The following CALD1 variants were observed in gnomAD, a reference collection of about 807,000 sequenced individuals.
CALD1 encodes caldesmon.
CALD1 carries 33 observed loss-of-function variants against 99.9 expected under a neutral mutation model. The observed-to-expected ratio is 0.33, with a 90% CI of 0.25 to 0.44. The LOEUF is 0.44. CALD1 is among the 20% of genes least tolerant of loss of function. The pLI, the probability that CALD1 is intolerant of heterozygous loss-of-function variation, is 1.00. For synonymous variants in CALD1, 310 were observed against 325.0 expected, an observed-to-expected ratio of 0.95 and a Z score of 0.50; for missense variants, 861 against 962.1, an observed-to-expected ratio of 0.89 and a Z score of 1.39.
intron 12 of CALD1, 183 bp from the exon 13 acceptor site, chr7:134,960,350 G>A (rs1808166819): frequency 3.1e-6 from 2 of 651,216 alleles, no homozygotes; most frequent in Non-Finnish European, 5.3e-6. Context: ...TCCACCCTTG[G>A]AGTTGGAGTG....
chr7:134,844,380 T>A (rs1586088473), intron 2 of CALD1: 1 of 151,890 alleles, frequency 6.6e-6, no homozygotes, highest in African/African-American at 2.4e-5. Flanking sequence ...ATCTCAGGAG[T>A]GCTAAGTACC....
intron 1 of CALD1, among the ~76,000 whole-genome samples, chr7:134,811,753 T>A (rs767846352): frequency 2.0e-5 from 3 of 152,206 alleles, no homozygotes; most frequent in South Asian, 2.1e-4. Context: ...TTTCCCTCTT[T>A]ACTTGTTACT....
At chr7:134,927,588 T>C (rs1337877797) in intron 3 of CALD1, among the ~76,000 whole-genome samples, 1 of 140,142 alleles carries the variant, frequency 7.1e-6, no homozygotes, top group African/African-American at 2.6e-5. Flanking sequence ...CTAAATAATA[T>C]ATACACATGT....
chr7:134,825,173 G>A (rs1034293542), intron 1 of CALD1, among the ~76,000 whole-genome samples: 1 of 152,048 alleles, frequency 6.6e-6, no homozygotes, highest in Non-Finnish European at 1.5e-5. Context: ...AGATAAAGTG[G>A]GGAGAAAGGG....
intron 1 of CALD1, among the ~76,000 whole-genome samples, chr7:134,750,761 T>TG (rs1397020086): frequency 6.6e-6 from 1 of 151,908 alleles, no homozygotes; most frequent in Non-Finnish European, 1.5e-5. Context: ...ATATTGTTTT[T>TG]TTTTCATCTG....
chr7:134,786,935 C>G (rs1797328627), intron 1 of CALD1, among the ~76,000 whole-genome samples: 1 of 152,288 alleles, frequency 6.6e-6, no homozygotes, highest in South Asian at 2.1e-4. Context: ...GACCTATCCT[C>G]TAGAGATTCT....
chr7:134,869,071 G>C (rs928643037), intron 3 of CALD1, among the ~76,000 whole-genome samples: 9 of 152,010 alleles, frequency 5.9e-5, no homozygotes, highest in Admixed American at 5.2e-4. Context: ...TAGCATAGCA[G>C]CATAGCCAGA....
At chr7:134,958,438 T>C (rs1187147305) in intron 11 of CALD1, 148 bp downstream of exon 11, 1 of 631,776 alleles carries the variant, frequency 1.6e-6, no homozygotes. Context: ...TGAGACGGAG[T>C]CTCACTCTGT....
intron 9 of CALD1, among the ~76,000 whole-genome samples, chr7:134,952,429 C>A (rs1268367910): frequency 6.6e-6 from 1 of 151,668 alleles, no homozygotes; most frequent in East Asian, 1.9e-4. Flanking sequence ...ACTTGTTCCA[C>A]ATGAAAATCA....
chr7:134,887,553 T>C (rs1048059227), intron 3 of CALD1, among the ~76,000 whole-genome samples: 2 of 152,326 alleles, frequency 1.3e-5, no homozygotes, highest in East Asian at 1.9e-4. Flanking sequence ...TGTGTTTCCA[T>C]AGTAAGTGAA....
At chr7:134,829,666 T>C (rs982113714) in intron 1 of CALD1, among the ~76,000 whole-genome samples, 4 of 151,918 alleles carry the variant, frequency 2.6e-5, no homozygotes, top group Admixed American at 6.6e-5. Context: ...ATGGGAAGAG[T>C]TGGATCTGTA....
At chr7:134,766,775 C>T (rs775257148) in intron 1 of CALD1, among the ~76,000 whole-genome samples, 13 of 151,940 alleles carry the variant, frequency 8.6e-5, no homozygotes, top group African/African-American at 2.2e-4. Context: ...TAGACACTGG[C>T]GTCAGGAGCC....
intron 1 of CALD1, among the ~76,000 whole-genome samples, chr7:134,774,550 C>A (rs1326606163): frequency 6.6e-6 from 1 of 152,234 alleles, no homozygotes; most frequent in Admixed American, 6.5e-5. Flanking sequence ...GAGATGCTCA[C>A]CTGGTTGTGT....
At chr7:134,714,091 A>C in the CALD1 span, among the ~76,000 whole-genome samples, 5 of 152,112 alleles carry the variant, frequency 3.3e-5, no homozygotes, top group Admixed American at 6.5e-5. Context: ...TGCTCCAGGC[A>C]TGGAAGATGT....
intron 6 of CALD1, among the ~76,000 whole-genome samples, chr7:134,936,398 G>C (rs544960570): frequency 6.6e-6 from 1 of 152,296 alleles, no homozygotes; most frequent in East Asian, 1.9e-4. Flanking sequence ...ACAGTAATCA[G>C]AACACCACAT....
intron 1 of CALD1, among the ~76,000 whole-genome samples, chr7:134,782,746 G>A (rs1275056748): frequency 6.6e-6 from 1 of 152,120 alleles, no homozygotes; most frequent in Non-Finnish European, 1.5e-5. Context: ...TGAGTCCTCT[G>A]GACATTATGC....
At chr7:134,902,713 G>A (rs1350079281) in intron 3 of CALD1, among the ~76,000 whole-genome samples, 1 of 152,172 alleles carries the variant, frequency 6.6e-6, no homozygotes, top group Admixed American at 6.5e-5. Flanking sequence ...AAGTCAGGTG[G>A]ACTGCCGCTT....
intron 1 of CALD1, among the ~76,000 whole-genome samples, chr7:134,829,634 A>AT (rs1799140620): frequency 6.6e-6 from 1 of 152,200 alleles, no homozygotes; most frequent in Non-Finnish European, 1.5e-5. Context: ...GCTGAGCTAG[A>AT]TTATACACGA....
chr7:134,734,247 C>G, the CALD1 span, among the ~76,000 whole-genome samples: 1 of 152,216 alleles, frequency 6.6e-6, no homozygotes, highest in Admixed American at 6.5e-5. Flanking sequence ...CATATCCAAG[C>G]TGCCAGATTT....
Sources: allele counts gnomAD v4.1 joint callset (sites outside exome capture counted in the v4.1 genomes callset), GRCh38; gene constraint gnomAD v4.1.1; transcripts MANE v1.5; gene names NCBI Gene and HGNC (gene_info 2026-07-23, HGNC 2026-07-21).